FAM156A: variants seen among roughly 807,000 people sequenced by gnomAD.
FAM156A encodes the protein family with sequence similarity 156 member A.
At chrX:52,981,902 T>C (rs1929943889) in intron 1 of FAM156A, among the ~76,000 whole-genome samples, 1 of 110,776 alleles carries the variant, frequency 9.0e-6, no homozygotes, top group Non-Finnish European at 1.9e-5. Flanking sequence ...CCCCTCTCTC[T>C]GGCTTGACTC....
intron 1 of FAM156A, among the ~76,000 whole-genome samples, chrX:52,990,356 G>T (rs1035834592): frequency 5.4e-5 from 6 of 111,595 alleles, no homozygotes; most frequent in Non-Finnish European, 1.1e-4. Context: ...TTAGCAGGAA[G>T]CTCAGGTTTG....
At position 52,993,747 on chromosome X, in the gene FAM156A, C is replaced by T. The variant is rs1201742505; in HGVS notation, c.-434+1559G>A. Among the ~76,000 whole-genome samples, 8 of 111,631 alleles carry T rather than the reference C, an allele frequency of 7.2e-5. 1 individual carries two copies. In the East Asian group the frequency reaches 2.2e-3, roughly 31 times the overall value. The stretch of plus-strand genomic sequence containing the variant: ...AACTTTCTACGTAGCACTTACCACA[C>T]TGTGATGTGCTATATATTTACTGAC... On this transcript the variant is annotated intron_variant, in intron 1 of 4. Transcript: ENST00000610625.
chrX:52,974,743 C>T (rs782560830), intron 1 of FAM156A, among the ~76,000 whole-genome samples: 3 of 111,000 alleles, frequency 2.7e-5, no homozygotes, highest in East Asian at 2.8e-4. Context: ...TAGGTGTCAA[C>T]GGGAGCCCAG....
intron 1 of FAM156A, among the ~76,000 whole-genome samples, chrX:52,990,159 G>C (rs1569208542): frequency 2.7e-5 from 3 of 110,599 alleles, no homozygotes; most frequent in Non-Finnish European, 5.7e-5. Context: ...CACCAGGAGT[G>C]AATGTTTAAG....
chrX:52,992,220 C>G (rs1289186219), intron 1 of FAM156A, among the ~76,000 whole-genome samples: 1 of 110,515 alleles, frequency 9.0e-6, no homozygotes, highest in Non-Finnish European at 1.9e-5. Context: ...TTCTATGAAG[C>G]CTGCCAGGCC....
At chrX:52,974,744 G>A (rs1929315083) in intron 1 of FAM156A, among the ~76,000 whole-genome samples, 2 of 110,855 alleles carry the variant, frequency 1.8e-5, no homozygotes, top group Admixed American at 9.6e-5. Flanking sequence ...AGGTGTCAAC[G>A]GGAGCCCAGG....
intron 1 of FAM156A, among the ~76,000 whole-genome samples, chrX:52,989,312 GCCTGACTGT>G (rs1930524727): frequency 9.0e-6 from 1 of 111,671 alleles, no homozygotes; most frequent in Non-Finnish European, 1.9e-5. Context: ...AACTTCCCTC[GCCTGACTGT>G]CCTGAGCACT....
At chrX:52,992,675 C>T (rs188465503) in intron 1 of FAM156A, among the ~76,000 whole-genome samples, 3 of 109,744 alleles carry the variant, frequency 2.7e-5, no homozygotes, top group Non-Finnish European at 5.7e-5. Context: ...ATAAGCTGCA[C>T]GTTCATGTAA....
rs188732551 is a variant in FAM156A, at chrX:52,984,171, C to T, written c.-434+11135G>A. Among the ~76,000 whole-genome samples the T allele has an allele frequency of 3.9e-4, 44 of 111,858 alleles. 1 individual carries two copies. In the Admixed American group the frequency reaches 4.1e-3, roughly 10 times the overall value. On this transcript the variant is annotated intron_variant, in intron 1 of 4. Transcript: ENST00000610625. ...AAAAAAAGTGTATGGGGCAATGTCC[C>T]GAGGAAACCAGCCCAAGTTTCCAGG...
intron 1 of FAM156A, among the ~76,000 whole-genome samples, chrX:52,980,577 G>A (rs1166207890): frequency 2.7e-5 from 3 of 111,682 alleles, no homozygotes; most frequent in Non-Finnish European, 5.6e-5. Context: ...GAACACTTAT[G>A]GAATTGTAGT....
intron 1 of FAM156A, among the ~76,000 whole-genome samples, chrX:52,980,138 G>C (rs991154266): frequency 8.9e-6 from 1 of 111,932 alleles, no homozygotes; most frequent in Admixed American, 9.5e-5. Flanking sequence ...GGCGGGGGCC[G>C]GGGCTTGTAT....
chrX:52,980,645 G>C (rs1176576797), intron 1 of FAM156A, among the ~76,000 whole-genome samples: 3 of 111,852 alleles, frequency 2.7e-5, no homozygotes, highest in Admixed American at 9.5e-5. Flanking sequence ...CCCATGGCTG[G>C]CAGTCTGCAG....
intron 1 of FAM156A, among the ~76,000 whole-genome samples, chrX:52,977,260 T>C (rs1929557348): frequency 9.2e-6 from 1 of 108,537 alleles, no homozygotes; most frequent in African/African-American, 3.4e-5. Flanking sequence ...CATTATTCCT[T>C]GCCCCTGTCT....
intron 1 of FAM156A, among the ~76,000 whole-genome samples, chrX:52,982,992 G>A (rs1930011791): frequency 8.9e-6 from 1 of 112,687 alleles, no homozygotes; most frequent in African/African-American, 3.2e-5. Context: ...TGAGGGCTTT[G>A]GCCCTTTACA....
At chrX:52,980,849 T>C (rs1929842664) in intron 1 of FAM156A, among the ~76,000 whole-genome samples, 1 of 67,808 alleles carries the variant, frequency 1.5e-5, no homozygotes, top group Admixed American at 1.6e-4. Context: ...TGTGTGTGTG[T>C]GTAGAGGGAG....
At chrX:52,979,089 G>A (rs1156381990) in intron 1 of FAM156A, among the ~76,000 whole-genome samples, 1 of 111,576 alleles carries the variant, frequency 9.0e-6, no homozygotes, top group Admixed American at 9.5e-5. Context: ...ATATTCCCAG[G>A]ACAGACATGA....
intron 1 of FAM156A, among the ~76,000 whole-genome samples, chrX:52,982,368 C>T (rs782777824): frequency 5.4e-4 from 60 of 111,236 alleles, no homozygotes; most frequent in African/African-American, 1.9e-3. Context: ...GTGGGAGAAT[C>T]GCTTGAGCCT....
At chrX:52,993,452 T>C (rs1176941801) in intron 1 of FAM156A, among the ~76,000 whole-genome samples, 2 of 91,759 alleles carry the variant, frequency 2.2e-5, no homozygotes, top group African/African-American at 4.1e-5. Flanking sequence ...TCTCACTCTG[T>C]CACCCAGGCT....
intron 1 of FAM156A, among the ~76,000 whole-genome samples, chrX:52,988,253 AAAAAGAAAAGAAAAG>A: frequency 9.1e-6 from 1 of 110,364 alleles, no homozygotes; most frequent in South Asian, 3.7e-4. Context: ...CTCAAAAAAA[AAAAAGAAAAGAAAAG>A]AAAAGAAAGG....
Sources: allele counts gnomAD v4.1 joint callset (sites outside exome capture counted in the v4.1 genomes callset), GRCh38; gene constraint gnomAD v4.1.1; transcripts MANE v1.5; gene names NCBI Gene and HGNC (gene_info 2026-07-23, HGNC 2026-07-21).